Variants in SEM1 observed in about 807,000 individuals in gnomAD.
SEM1 encodes SEM1 26S proteasome subunit.
A neutral mutation model predicts 12.7 loss-of-function variants in SEM1; 3 were observed. The ratio of observed to expected loss-of-function variants is 0.24; its 90% CI spans 0.11 to 0.61. The LOEUF is 0.61. SEM1 is among the 20% of genes least tolerant of loss of function. SEM1 has a pLI of 0.88. For missense variants in SEM1, 59 were observed against 81.3 expected, an observed-to-expected ratio of 0.73 and a Z score of 1.06; for synonymous variants, 30 against 27.8, an observed-to-expected ratio of 1.08 and a Z score of -0.25.
intron 2 of SEM1, among the ~76,000 whole-genome samples, chr7:96,524,875 G>A (rs148857497): frequency 7.1e-4 from 108 of 152,164 alleles, no homozygotes; most frequent in African/African-American, 2.4e-3. Context: ...CAAGTTGTTC[G>A]AAGCATACTT....
At chr7:96,620,147 A>G (rs1807846711), downstream of SEM1, among the ~76,000 whole-genome samples, 3 of 152,016 alleles carry the variant, frequency 2.0e-5, no homozygotes, top group African/African-American at 7.2e-5. Context: ...GACACAACCC[A>G]GCATTAGACT....
chr7:96,553,657 AGG>A (rs1437330265), intron 2 of SEM1, among the ~76,000 whole-genome samples: 1 of 152,174 alleles, frequency 6.6e-6, no homozygotes, highest in Non-Finnish European at 1.5e-5. Flanking sequence ...CTTTTGGCTT[AGG>A]ATTGACTTGG....
At chr7:96,632,318 T>A (rs1190277895) in intron 2 of SEM1, among the ~76,000 whole-genome samples, 1 of 152,084 alleles carries the variant, frequency 6.6e-6, no homozygotes, top group Non-Finnish European at 1.5e-5. Context: ...TACCCATCAG[T>A]GATAGCCTGG....
At chr7:96,598,281 T>C (rs1000300793) in intron 2 of SEM1, among the ~76,000 whole-genome samples, 5 of 152,118 alleles carry the variant, frequency 3.3e-5, no homozygotes, top group African/African-American at 1.2e-4. Flanking sequence ...TTGAGCTGGA[T>C]AGAATGCACA....
intron 2 of SEM1, among the ~76,000 whole-genome samples, chr7:96,547,342 G>A (rs577956440): frequency 6.6e-6 from 1 of 152,228 alleles, no homozygotes; most frequent in Non-Finnish European, 1.5e-5. Flanking sequence ...TGTAAGCTTT[G>A]ATTATGCTTT....
intron 2 of SEM1, among the ~76,000 whole-genome samples, chr7:96,628,407 C>T (rs769085743): frequency 6.1e-4 from 93 of 151,846 alleles, no homozygotes; most frequent in Middle Eastern, 3.4e-3. Context: ...TTGTAGCCAT[C>T]GTATGTTATT....
At chr7:96,526,967 A>C (rs1042062561) in intron 2 of SEM1, among the ~76,000 whole-genome samples, 1 of 152,150 alleles carries the variant, frequency 6.6e-6, no homozygotes, top group African/African-American at 2.4e-5. Flanking sequence ...GAATATACCA[A>C]CAGGGAAGTA....
intron 2 of SEM1, among the ~76,000 whole-genome samples, chr7:96,531,534 GAAGGTC>G (rs1280584764): frequency 6.6e-6 from 1 of 150,606 alleles, no homozygotes; most frequent in African/African-American, 2.4e-5. Flanking sequence ...TGTGGGCCCA[GAAGGTC>G]AAGACTGCAG....
In SEM1 at chr7:96,610,089, T is replaced by TATAAATTCC. The variant is rs541656322; in HGVS notation, c.170+84700_170+84708dup. Among the ~76,000 whole-genome samples the TATAAATTCC allele has an allele frequency of 4.9e-3, 731 of 150,384 alleles. 9 individuals are homozygous for TATAAATTCC. The highest frequency in any genetic ancestry group is 0.017 in the African/African-American group (700 of 40,280). On this transcript the variant is annotated intron_variant and NMD_transcript_variant, in intron 2 of 3. Coordinates refer to the SEM1 transcript ENST00000466986. The stretch of plus-strand genomic sequence containing the variant: ...CTCCCCACTGAGGGAAACCATAAGT[T>TATAAATTCC]ATAAATTCCAGCAGGTTTTTTTTTT...
chr7:96,492,491 C>T (rs1438666889), intron 1 of SEM1, among the ~76,000 whole-genome samples: 1 of 151,804 alleles, frequency 6.6e-6, no homozygotes, highest in Non-Finnish European at 1.5e-5. Flanking sequence ...CTCACTGGAG[C>T]CTTGACCTCC....
At chr7:96,526,784 G>C (rs1365201657) in intron 2 of SEM1, among the ~76,000 whole-genome samples, 1 of 152,006 alleles carries the variant, frequency 6.6e-6, no homozygotes, top group Non-Finnish European at 1.5e-5. Context: ...CCTGGGGCTT[G>C]TGTTCTGTGG....
At chr7:96,643,140 C>T (rs193208990) in intron 2 of SEM1, among the ~76,000 whole-genome samples, 66 of 152,064 alleles carry the variant, frequency 4.3e-4, no homozygotes, top group African/African-American at 1.5e-3. Context: ...GTGTGTTGTT[C>T]CCACATATGT....
chr7:96,641,641 A>G (rs1808612468), intron 2 of SEM1, among the ~76,000 whole-genome samples: 1 of 152,034 alleles, frequency 6.6e-6, no homozygotes. Flanking sequence ...TTAAACAAAC[A>G]AACAATCAAA....
intron 1 of SEM1, among the ~76,000 whole-genome samples, chr7:96,706,570 CAAAAAAAAAA>C (rs67892273): frequency 2.7e-4 from 21 of 78,068 alleles, no homozygotes; most frequent in African/African-American, 8.2e-4. Flanking sequence ...CTCAAACAAA[CAAAAAAAAAA>C]AAAAAAAAAA....
intron 1 of SEM1, among the ~76,000 whole-genome samples, chr7:96,700,094 GCAC>G (rs1790223573): frequency 1.3e-5 from 2 of 152,128 alleles, no homozygotes; most frequent in African/African-American, 2.4e-5. Context: ...TGTATGTAAA[GCAC>G]TTAGTACTGA....
At chr7:96,567,909 TACAC>T (rs778301030) in intron 2 of SEM1, among the ~76,000 whole-genome samples, 178 of 151,232 alleles carry the variant, frequency 1.2e-3, no homozygotes, top group Non-Finnish European at 2.2e-3. Flanking sequence ...AAATGACTGA[TACAC>T]ACACATACAC....
At chr7:96,506,310 C>T (rs1013978522) in intron 3 of SEM1, among the ~76,000 whole-genome samples, 2 of 152,002 alleles carry the variant, frequency 1.3e-5, no homozygotes, top group Non-Finnish European at 2.9e-5. Flanking sequence ...ATTGATTGAG[C>T]CAAGTCTGGA....
At chr7:96,501,152 T>C (rs571287813), upstream of SEM1, among the ~76,000 whole-genome samples, 1 of 152,204 alleles carries the variant, frequency 6.6e-6, no homozygotes, top group East Asian at 1.9e-4. Context: ...TCTCAGTTAG[T>C]GGGTAGAGCT....
chr7:96,608,036 C>T (rs1231262861), intron 2 of SEM1, among the ~76,000 whole-genome samples: 14 of 152,150 alleles, frequency 9.2e-5, no homozygotes, highest in Admixed American at 9.2e-4. Flanking sequence ...TATAAACACT[C>T]TGATGATGGT....
Sources: allele counts gnomAD v4.1 joint callset (sites outside exome capture counted in the v4.1 genomes callset), GRCh38; gene constraint gnomAD v4.1.1; transcripts MANE v1.5; gene names NCBI Gene and HGNC (gene_info 2026-07-23, HGNC 2026-07-21).